The following FMN1 variants were observed in gnomAD, a reference collection of about 807,000 sequenced individuals.
FMN1 encodes formin 1, also known as formin-1.
A neutral mutation model predicts 132.4 loss-of-function variants in FMN1; 110 were observed. That is an observed-to-expected ratio of 0.83 (90% CI 0.71 to 0.97). The LOEUF (loss-of-function observed/expected upper bound fraction) is 0.97. Ranked by LOEUF, FMN1 falls within the 50% of genes least tolerant of loss-of-function variation. The pLI is 0.00. For missense variants in FMN1, 1,792 were observed against 1,705.3 expected, an observed-to-expected ratio of 1.05 and a Z score of -0.90; for synonymous variants, 722 against 651.7, an observed-to-expected ratio of 1.11 and a Z score of -1.64.
chr15:33,107,338 C>T (rs1033473396), intron 4 of FMN1, among the ~76,000 whole-genome samples: 3 of 152,058 alleles, frequency 2.0e-5, no homozygotes, highest in Non-Finnish European at 4.4e-5. Context: ...CAATACTCTC[C>T]ACAAAGCATG....
chr15:33,020,183 C>T (rs79819126), intron 6 of FMN1, among the ~76,000 whole-genome samples: 4 of 152,282 alleles, frequency 2.6e-5, no homozygotes, highest in Middle Eastern at 3.4e-3. Flanking sequence ...CACTGGCATC[C>T]GAAAGGGGGG....
chr15:32,795,023 C>T (rs552275411), intron 19 of FMN1, among the ~76,000 whole-genome samples: 4 of 151,874 alleles, frequency 2.6e-5, no homozygotes, highest in Admixed American at 6.6e-5. Flanking sequence ...TAGTGAGACA[C>T]CGTCTCTACA....
At chr15:33,125,637 C>G (rs1962985287) in intron 4 of FMN1, among the ~76,000 whole-genome samples, 1 of 151,128 alleles carries the variant, frequency 6.6e-6, no homozygotes, top group Admixed American at 6.6e-5. Flanking sequence ...GTCAGGAATT[C>G]AAGACTAGCC....
intron 4 of FMN1, among the ~76,000 whole-genome samples, chr15:33,141,182 G>C (rs1963994778): frequency 6.6e-6 from 1 of 151,918 alleles, no homozygotes; most frequent in South Asian, 2.1e-4. Flanking sequence ...TTTAAATATA[G>C]ACAAATTCAC....
At position 32,768,286 on chromosome 15, in the gene FMN1, G is replaced by A. The variant is rs1036665323; in HGVS notation, c.*6024C>T. ...TTTGGGAAAGACAGATCTGGAAAGC[G>A]AACCCAGTTAACAGTCAAAAACACA... On this transcript the variant is annotated 3_prime_UTR_variant, in exon 21 of 21. Transcript: ENST00000616417. The A allele has an allele frequency of 6.6e-6, 1 of 152,148 alleles. No homozygotes were observed. The highest frequency in any genetic ancestry group is 1.5e-5 in the Non-Finnish European group (1 of 68,058). The allele number at this position is 152,148 out of a possible 1,614,324, so 9.4% of individuals were successfully genotyped here.
intron 7 of FMN1, among the ~76,000 whole-genome samples, chr15:32,999,095 T>C (rs1366604615): frequency 2.0e-5 from 3 of 152,214 alleles, no homozygotes; most frequent in African/African-American, 7.2e-5. Flanking sequence ...ATTTTTTCCT[T>C]TTTGGCATCT....
At chr15:32,794,249 T>C (rs1419847129) in intron 19 of FMN1, among the ~76,000 whole-genome samples, 13 of 152,202 alleles carry the variant, frequency 8.5e-5, no homozygotes, top group Admixed American at 7.9e-4. Flanking sequence ...ATTATAGCTA[T>C]GTGTGTAGTG....
At chr15:33,027,661 C>T (rs2035744616) in intron 6 of FMN1, among the ~76,000 whole-genome samples, 1 of 151,556 alleles carries the variant, frequency 6.6e-6, no homozygotes, top group South Asian at 2.1e-4. Context: ...CTGATCTTTC[C>T]TGATAACCGA....
At position 32,783,784 on chromosome 15, in the gene FMN1, A is replaced by AAAAAAAAAAAAAAG. The variant is rs1491184174; in HGVS notation, c.4131-6866_4131-6865insCTTTTTTTTTTTTT. ...AAAAAAAAAAAAAAAAAAAAAAAAAATAGTTGAAGTGGCGTGGCTTTCCAT... is the reference window on the plus strand; with the variant it reads ...AAAAAAAAAAAAAAAAAAAAAAAAAAAAAAAAAAAAAAAGTAGTTGAAGTGGCGTGGCTTTCCAT... On this transcript the variant is annotated intron_variant, in intron 19 of 20. Coordinates refer to ENST00000616417, the MANE Select transcript of FMN1 (RefSeq NM_001277313.2). 1.9e-5 allele frequency among the ~76,000 whole-genome samples: 2 copies of AAAAAAAAAAAAAAG among 105,868 alleles called. 1 individual carries two copies. Among genetic ancestry groups the AAAAAAAAAAAAAAG allele is most frequent in the East Asian group, 5.8e-4 (2 of 3,474 alleles). The allele number at this position is 105,868 out of a possible 152,430, so 69.5% of individuals were successfully genotyped here.
chr15:33,183,126 C>T (rs971336408), intron 2 of FMN1, among the ~76,000 whole-genome samples: 2 of 152,182 alleles, frequency 1.3e-5, no homozygotes, highest in Non-Finnish European at 2.9e-5. Context: ...ATTACTTCCA[C>T]CATAAATGAC....
At chr15:32,850,189 C>T (rs2058976993) in intron 17 of FMN1, among the ~76,000 whole-genome samples, 1 of 152,210 alleles carries the variant, frequency 6.6e-6, no homozygotes, top group South Asian at 2.1e-4. Flanking sequence ...AGAATTATTT[C>T]CCTCACAGGT....
In FMN1 at chr15:33,014,217, T is replaced by C. The variant is rs76800592; in HGVS notation, c.2162-6142A>G. 3.5e-3 allele frequency among the ~76,000 whole-genome samples: 535 copies of C among 152,358 alleles called. 6 individuals carry two copies. Among genetic ancestry groups the C allele is most frequent in the African/African-American group, 0.012 (508 of 41,576 alleles). On this transcript the variant is annotated intron_variant, in intron 6 of 20. Transcript: ENST00000616417. ...AGAGAATATAAAGGTTACAGAATAA[T>C]GTCCATGAGTCAAAACTAAGTTAGT... is the stretch of plus-strand genomic sequence containing the variant.
In FMN1 at chr15:32,839,279, C is replaced by G. The variant is rs560398044; in HGVS notation, c.3928+17736G>C. On this transcript the variant is annotated intron_variant, in intron 17 of 20. Transcript: ENST00000616417. ...CTCCCTGAGGACAGGACATTTTGAA[C>G]CATTCACGTAAAAGTCTCAACCACG... Among the ~76,000 whole-genome samples, 3 of 152,240 alleles carry G rather than the reference C, an allele frequency of 2.0e-5. No individual in the cohort carries two copies. In the East Asian group the frequency reaches 5.8e-4, roughly 29 times the overall value.
At chr15:33,043,287 T>C (rs556722715) in intron 6 of FMN1, among the ~76,000 whole-genome samples, 2 of 152,344 alleles carry the variant, frequency 1.3e-5, no homozygotes, top group African/African-American at 2.4e-5. Context: ...TCATGAACTA[T>C]AACAAATGGA....
intron 6 of FMN1, among the ~76,000 whole-genome samples, chr15:33,039,024 G>C (rs1368210358): frequency 6.6e-6 from 1 of 152,148 alleles, no homozygotes; most frequent in African/African-American, 2.4e-5. Context: ...AGGCTCCCCA[G>C]ATTATTTTTG....
chr15:33,012,167 T>C, intron 6 of FMN1: 2 of 539,470 alleles, frequency 3.7e-6, no homozygotes, highest in East Asian at 3.7e-5. Context: ...CTGTGGAAGC[T>C]CCTCATCAGA....
At chr15:32,815,978 G>A (rs2058047496) in intron 17 of FMN1, among the ~76,000 whole-genome samples, 1 of 152,208 alleles carries the variant, frequency 6.6e-6, no homozygotes, top group African/African-American at 2.4e-5. Context: ...TAATGATAGA[G>A]CCTACATTCG....
intron 7 of FMN1, among the ~76,000 whole-genome samples, chr15:32,988,075 T>C (rs972361858): frequency 6.7e-6 from 1 of 150,178 alleles, no homozygotes; most frequent in Non-Finnish European, 1.5e-5. Flanking sequence ...TTTTTTCTTT[T>C]TTTAGGTAAT....
At position 33,131,272 on chromosome 15, in the gene FMN1, T is replaced by G. The variant is rs191522293; in HGVS notation, c.1867+21776A>C. Among the ~76,000 whole-genome samples the G allele has an allele frequency of 8.1e-4, 114 of 140,364 alleles. 1 individual carries two copies. The highest frequency in any genetic ancestry group is 3.0e-3 in the African/African-American group (111 of 36,842). 92.1% of individuals were successfully genotyped at this position (140,364 alleles called of 152,430 possible). On this transcript the variant is annotated intron_variant, in intron 4 of 20. Coordinates refer to ENST00000616417, the MANE Select transcript of FMN1 (RefSeq NM_001277313.2). ...TGAACCCAGGAGGCAGAGGCTGCAG[T>G]GAGCTGAGATCGCTCCACTGCACTC...
Sources: allele counts gnomAD v4.1 joint callset (sites outside exome capture counted in the v4.1 genomes callset), GRCh38; gene constraint gnomAD v4.1.1; transcripts MANE v1.5; gene names NCBI Gene and HGNC (gene_info 2026-07-23, HGNC 2026-07-21).